Variants in FBN2 observed in about 807,000 individuals in gnomAD.
The protein encoded by FBN2 is fibrillin-2.
A neutral mutation model predicts 355.6 loss-of-function variants in FBN2; 105 were observed. The ratio of observed to expected loss-of-function variants is 0.30; its 90% CI spans 0.25 to 0.35. FBN2 has a LOEUF of 0.35. FBN2 is among the 10% of genes least tolerant of loss of function. FBN2 has a pLI of 1.00. For missense variants in FBN2, 3,280 were observed against 3,758.7 expected (o/e 0.87, Z 3.33); for synonymous variants, 1,350 against 1,301.2 (o/e 1.04, Z -0.81).
intron 27 of FBN2, among the ~76,000 whole-genome samples, chr5:128,337,688 C>T (rs1750882320): frequency 6.6e-6 from 1 of 152,206 alleles, no homozygotes; most frequent in Admixed American, 6.5e-5. Flanking sequence ...ACAACGCACA[C>T]AGTAGCTTTC....
chr5:128,500,247 C>T (rs1755769133), intron 5 of FBN2, among the ~76,000 whole-genome samples: 1 of 151,560 alleles, frequency 6.6e-6, no homozygotes, highest in African/African-American at 2.4e-5. Flanking sequence ...ACAACAACAA[C>T]AACAACAACA....
At position 128,263,518 on chromosome 5, in the gene FBN2, G is replaced by A. The variant is rs776788539; in HGVS notation, c.8099C>T (p.Ser2700Leu). The A allele has an allele frequency of 1.3e-5, 21 of 1,613,990 alleles. No individual in the cohort carries two copies. The highest frequency in any genetic ancestry group is 2.2e-5 in the East Asian group (1 of 44,874). Reference protein sequence around the residue: ...SSACHDVNECSSSKNPCNYGC... With the variant: ...SSACHDVNECLSSKNPCNYGC... ...GTAATTGCAGGGGTTCTTGGAGGAC[G>A]AGCACTCATTCACGTCGTGGCAGGC... The change falls in exon 63 of 65, where the codon TCG (serine) becomes TTG (leucine). Residue 2700 changes from serine to leucine, a missense_variant. Ser to Leu is a moderately radical substitution (Grantham distance 145). This residue lies in a region of FBN2 where 311 missense variants were observed against 319.1 expected (regional missense o/e 0.97). Coordinates refer to ENST00000262464, the MANE Select transcript of FBN2 (RefSeq NM_001999.4).
Position 128,301,403 on chromosome 5 carries a change from G to T in FBN2, c.6025C>A (p.Pro2009Thr). 1.2e-6 allele frequency: 2 copies of T among 1,613,186 alleles called. No individual in the cohort carries two copies. Among genetic ancestry groups the T allele is most frequent in the Non-Finnish European group, 1.7e-6 (2 of 1,179,410 alleles). Residue 2009 changes from proline (P) to threonine (T), a missense_variant, in exon 47 of 65, where the codon CCA becomes ACA. By Grantham distance (38) the Pro-to-Thr change is conservative. Transcript: ENST00000262464. Reference sequence around the variant, plus strand: ...TTACCTATACAGTTTTTGCCATCTGGGGTAAGTTCATAACCTTCGTTACAT... The same window carrying T: ...TTACCTATACAGTTTTTGCCATCTGTGGTAAGTTCATAACCTTCGTTACAT... The part of the protein sequence containing the change: ...CLCNEGYELT[P>T]DGKNCIDTNE...
intron 34 of FBN2, among the ~76,000 whole-genome samples, chr5:128,320,301 A>G (rs1015788233): frequency 6.6e-6 from 1 of 151,884 alleles, no homozygotes; most frequent in Non-Finnish European, 1.5e-5. Context: ...TGCAGCCACA[A>G]TCTCCTGGGC....
At chr5:128,504,564 C>A (rs564269316) in intron 5 of FBN2, among the ~76,000 whole-genome samples, 1 of 152,292 alleles carries the variant, frequency 6.6e-6, no homozygotes, top group South Asian at 2.1e-4. Flanking sequence ...TTTGACTGCC[C>A]CACTGGATTT....
intron 7 of FBN2, among the ~76,000 whole-genome samples, chr5:128,441,371 G>A (rs1753917311): frequency 6.6e-6 from 1 of 152,192 alleles, no homozygotes; most frequent in Admixed American, 6.5e-5. Context: ...ACCTTTGTTT[G>A]CTCAATAGCA....
At chr5:128,265,860 G>A (rs769676614) in intron 62 of FBN2, among the ~76,000 whole-genome samples, 7 of 152,150 alleles carry the variant, frequency 4.6e-5, no homozygotes, top group Non-Finnish European at 1.0e-4. Context: ...TAGTAACATC[G>A]TAGGTTTACA....
intron 59 of FBN2, among the ~76,000 whole-genome samples, chr5:128,275,254 C>T (rs1765361500): frequency 6.6e-6 from 1 of 152,024 alleles, no homozygotes. Flanking sequence ...AATTTGGAAA[C>T]TATATTTAAA....
chr5:128,366,050 A>AT (rs1253734875), intron 17 of FBN2, among the ~76,000 whole-genome samples: 1 of 152,014 alleles, frequency 6.6e-6, no homozygotes, highest in Non-Finnish European at 1.5e-5. Flanking sequence ...ATGTTTTATC[A>AT]TAAAATTGAC....
chr5:128,297,630 G>T (rs965137935), intron 48 of FBN2, among the ~76,000 whole-genome samples: 14 of 151,990 alleles, frequency 9.2e-5, no homozygotes, highest in Admixed American at 4.6e-4. Context: ...TGGTTTAAAG[G>T]CTGTTTTATC....
rs1411618248 is a variant in FBN2, at chr5:128,536,398, T to G, written c.337+4A>C. ...CCAAGCTGCGATCCCTGCCAAGCACTCACGGACAATGCACTGGTTTCCTCC... is the reference window on the plus strand; with the variant it reads ...CCAAGCTGCGATCCCTGCCAAGCACGCACGGACAATGCACTGGTTTCCTCC... On this transcript the variant is annotated splice_donor_region_variant and intron_variant, in intron 2 of 64. Coordinates refer to ENST00000262464, the MANE Select transcript of FBN2 (RefSeq NM_001999.4). The G allele has an allele frequency of 6.2e-7, 1 of 1,613,378 alleles. No homozygotes were observed.
intron 7 of FBN2, among the ~76,000 whole-genome samples, chr5:128,439,927 T>C (rs1027714034): frequency 1.3e-5 from 2 of 152,160 alleles, no homozygotes; most frequent in Non-Finnish European, 2.9e-5. Context: ...ATTTAAAATT[T>C]ATCCTGGTAT....
At chr5:128,300,689 GCAGC>G in intron 48 of FBN2, 124 bp downstream of exon 48, 1 of 918,044 alleles carries the variant, frequency 1.1e-6, no homozygotes, top group South Asian at 1.3e-5. Context: ...ACAGATGTAG[GCAGC>G]TATATGTTTA....
intron 45 of FBN2, 151 bp downstream of exon 45, chr5:128,304,806 G>A: frequency 1.0e-6 from 1 of 978,738 alleles, no homozygotes; most frequent in Non-Finnish European, 1.6e-6. Flanking sequence ...ATTTTATATT[G>A]AATCAAGACT....
intron 19 of FBN2, among the ~76,000 whole-genome samples, chr5:128,359,753 T>A (rs916366307): frequency 6.6e-6 from 1 of 152,062 alleles, no homozygotes; most frequent in Non-Finnish European, 1.5e-5. Context: ...GCCTTAATAT[T>A]TACATAATCA....
chr5:128,346,250 A>G (rs1751180077), intron 23 of FBN2, among the ~76,000 whole-genome samples: 1 of 152,218 alleles, frequency 6.6e-6, no homozygotes, highest in Non-Finnish European at 1.5e-5. Flanking sequence ...ACAGTCGCCT[A>G]CATCTAAAAA....
chr5:128,328,756 C>T lies in FBN2; in HGVS notation c.4411G>A (p.Ala1471Thr), dbSNP rs2126886739. 6.2e-7 allele frequency: 1 copy of T among 1,614,082 alleles called. No homozygotes were observed. The highest frequency in any genetic ancestry group is 1.1e-5 in the South Asian group (1 of 91,078). ...CCCATCTCACACTCGCAGCGATATG[C>T]ACCCGGGACATTAAGGCACTGTCCG... ...ENGQCLNVPGAYRCECEMGFT... is the reference protein window; with the variant it reads ...ENGQCLNVPGTYRCECEMGFT... Residue 1471 changes from alanine to threonine, a missense_variant, in exon 34 of 65, where the codon GCA becomes ACA. Physicochemically the swap from Ala to Thr is moderately conservative, Grantham distance 58. Coordinates refer to ENST00000262464, the MANE Select transcript of FBN2 (RefSeq NM_001999.4).
intron 30 of FBN2, 39 bp downstream of exon 30, chr5:128,335,131 G>T (rs1031755845): frequency 1.2e-6 from 2 of 1,612,726 alleles, no homozygotes; most frequent in African/African-American, 1.3e-5. Context: ...GTGTGTGCAT[G>T]TGTGTGTATA....
At chr5:128,536,375 A>G (rs1561504083) in intron 2 of FBN2, 27 bp downstream of exon 2, 1 of 1,595,072 alleles carries the variant, frequency 6.3e-7, no homozygotes, top group Non-Finnish European at 8.6e-7. Flanking sequence ...GCGCTGCCCC[A>G]AGCTGCGATC....
Sources: gnomAD v4.1 joint callset for allele counts (sites outside exome capture counted in the v4.1 genomes callset) on GRCh38, gnomAD v4.1.1 for gene constraint, gnomAD v4.1.1 regional missense constraint, MANE v1.5 for transcripts, NCBI Gene and HGNC (gene_info 2026-07-23, HGNC 2026-07-21) for gene names.